LUZP2: variants seen among roughly 807,000 people sequenced by gnomAD.
LUZP2 encodes leucine zipper protein 2.
In LUZP2, 52 loss-of-function variants were observed where a neutral mutation model predicts 51.6. The observed-to-expected ratio is 1.01, with a 90% confidence interval of 0.81 to 1.27. The LOEUF is 1.27. Among genes scored for constraint, LUZP2 ranks in the 50% most tolerant of loss-of-function variants. LUZP2 has a pLI of 0.00. For synonymous variants in LUZP2, 154 were observed against 137.3 expected (o/e 1.12, Z -0.85); for missense variants, 436 against 395.4 (o/e 1.10, Z -0.87).
chr11:24,611,413 A>G lies in LUZP2; in HGVS notation c.62+114108A>G, dbSNP rs186554814. ...TATATATACATACATACAGCTATATAAGATATATTTTGCACACTAATAAAA... is the reference window on the plus strand; with the variant it reads ...TATATATACATACATACAGCTATATGAGATATATTTTGCACACTAATAAAA... On this transcript the variant is annotated intron_variant, in intron 1 of 11. Coordinates refer to ENST00000336930, the MANE Select transcript of LUZP2 (RefSeq NM_001009909.4). The surrounding 1 kb of genome is among the most constrained non-coding windows in gnomAD (Gnocchi z 4.6). Among the ~76,000 whole-genome samples, 114 of 152,344 alleles carry G rather than the reference A, an allele frequency of 7.5e-4. No homozygotes were observed. The highest frequency in any genetic ancestry group is 2.1e-3 in the African/African-American group (86 of 41,586).
intron 1 of LUZP2, among the ~76,000 whole-genome samples, chr11:24,553,523 G>A (rs1215658415): frequency 2.6e-5 from 4 of 152,008 alleles, no homozygotes; most frequent in Non-Finnish European, 5.9e-5. Context: ...TAGAATAGAA[G>A]GGTATATATA....
chr11:24,726,857 T>C (rs1165845936), intron 1 of LUZP2, among the ~76,000 whole-genome samples: 1 of 152,170 alleles, frequency 6.6e-6, no homozygotes, highest in East Asian at 1.9e-4. Context: ...CATTTGTAAA[T>C]GGAAGAAAAT....
intron 1 of LUZP2, among the ~76,000 whole-genome samples, chr11:24,504,745 A>G (rs979220530): frequency 6.6e-6 from 1 of 152,040 alleles, no homozygotes; most frequent in African/African-American, 2.4e-5. Flanking sequence ...GAAGTCCTTA[A>G]TTTCATAGTT....
intron 5 of LUZP2, among the ~76,000 whole-genome samples, chr11:24,884,631 T>C (rs1164596279): frequency 6.6e-6 from 1 of 152,054 alleles, no homozygotes; most frequent in Admixed American, 6.6e-5. Context: ...CTCTTATGCA[T>C]GATTTCACTG....
At chr11:24,632,705 A>G (rs1046915901) in intron 1 of LUZP2, among the ~76,000 whole-genome samples, 1 of 152,052 alleles carries the variant, frequency 6.6e-6, no homozygotes, top group Admixed American at 6.6e-5. Flanking sequence ...TGTGAAAAAC[A>G]TAAACAATTA....
chr11:24,551,211 A>G (rs1262570522), intron 1 of LUZP2, among the ~76,000 whole-genome samples: 3 of 152,258 alleles, frequency 2.0e-5, no homozygotes, highest in East Asian at 3.9e-4. Context: ...TTTAAAACTA[A>G]GTGACCAAAT....
chr11:24,527,386 A>G (rs1276419493), intron 1 of LUZP2, among the ~76,000 whole-genome samples: 1 of 151,260 alleles, frequency 6.6e-6, no homozygotes, highest in Non-Finnish European at 1.5e-5. Flanking sequence ...AAGTAATTTT[A>G]TTTATTAAAA....
intron 3 of LUZP2, among the ~76,000 whole-genome samples, chr11:24,737,684 T>A (rs576622372): frequency 6.6e-6 from 1 of 152,250 alleles, no homozygotes; most frequent in African/African-American, 2.4e-5. Context: ...TTTTAAATTA[T>A]CTTCATTAAA....
intron 10 of LUZP2, among the ~76,000 whole-genome samples, chr11:25,073,049 A>T (rs997309411): frequency 6.6e-6 from 1 of 152,080 alleles, no homozygotes; most frequent in African/African-American, 2.4e-5. Flanking sequence ...CACTTTAAAA[A>T]GGGGGTGGGC....
At chr11:24,986,020 A>G (rs1269827993) in intron 9 of LUZP2, among the ~76,000 whole-genome samples, 1 of 151,764 alleles carries the variant, frequency 6.6e-6, no homozygotes, top group Non-Finnish European at 1.5e-5. Context: ...AAGTGCATTT[A>G]TTCCCATTAT....
chr11:25,013,322 T>C (rs1051145770), intron 9 of LUZP2, among the ~76,000 whole-genome samples: 1 of 152,138 alleles, frequency 6.6e-6, no homozygotes, highest in Non-Finnish European at 1.5e-5. Context: ...AGAGTGACTG[T>C]AGTTATACAA....
chr11:24,905,802 CA>C (rs1182891895), intron 5 of LUZP2, among the ~76,000 whole-genome samples, 188 bp from the exon 6 acceptor site: 6 of 151,990 alleles, frequency 3.9e-5, no homozygotes, highest in African/African-American at 1.5e-4. Flanking sequence ...GCTAATATGC[CA>C]AATTTTAATT....
At chr11:24,786,136 A>G (rs1419759697) in intron 5 of LUZP2, 3 of 985,202 alleles carry the variant, frequency 3.0e-6, no homozygotes. Flanking sequence ...CCTCAAAGTT[A>G]TGAAGGCGTT....
At chr11:24,746,317 C>A (rs1391614603) in intron 4 of LUZP2, among the ~76,000 whole-genome samples, 1 of 152,104 alleles carries the variant, frequency 6.6e-6, no homozygotes, top group South Asian at 2.1e-4. Context: ...ATGATGCTTA[C>A]TTTCACTGGA....
At chr11:24,817,344 T>C (rs1850217913) in intron 5 of LUZP2, among the ~76,000 whole-genome samples, 1 of 152,096 alleles carries the variant, frequency 6.6e-6, no homozygotes, top group Non-Finnish European at 1.5e-5. Flanking sequence ...TATAATACTC[T>C]TGAAACTTAT....
At chr11:24,811,172 C>A (rs1481979629) in intron 5 of LUZP2, among the ~76,000 whole-genome samples, 2 of 152,128 alleles carry the variant, frequency 1.3e-5, no homozygotes, top group Non-Finnish European at 2.9e-5. Context: ...TGACTGCCAG[C>A]CCTTCTGCCC....
intron 1 of LUZP2, among the ~76,000 whole-genome samples, chr11:24,695,056 C>A (rs1857202689): frequency 6.6e-6 from 1 of 151,914 alleles, no homozygotes; most frequent in Admixed American, 6.6e-5. Context: ...AACAAACCTG[C>A]ATGTTCAGCA....
At chr11:24,680,265 T>TAAC (rs1461178664) in intron 1 of LUZP2, among the ~76,000 whole-genome samples, 2 of 152,230 alleles carry the variant, frequency 1.3e-5, no homozygotes, top group African/African-American at 4.8e-5. Flanking sequence ...TCACACTTTG[T>TAAC]AAAGTTGCTC....
chr11:25,046,098 G>T (rs778832233), intron 9 of LUZP2, among the ~76,000 whole-genome samples: 21 of 152,072 alleles, frequency 1.4e-4, no homozygotes, highest in Non-Finnish European at 2.8e-4. Flanking sequence ...AATCTGGTCA[G>T]CTAAGTTCCA....
Sources: allele counts gnomAD v4.1 joint callset (sites outside exome capture counted in the v4.1 genomes callset), GRCh38; gene constraint gnomAD v4.1.1; non-coding constraint Gnocchi (gnomAD v3.1); transcripts MANE v1.5; gene names NCBI Gene and HGNC (gene_info 2026-07-23, HGNC 2026-07-21).